BEX1: variants seen among roughly 807,000 people sequenced by gnomAD.
The protein encoded by BEX1 is brain expressed X-linked 1, also known as protein BEX1.
For missense variants in BEX1, 86 were observed against 99.2 expected, an observed-to-expected ratio of 0.87 and a Z score of 0.57; for synonymous variants, 41 against 33.4, an observed-to-expected ratio of 1.23 and a Z score of -0.79.
rs1331556404 is a variant in BEX1, at chrX:103,062,838, C to T, written c.*59G>A. ...GTTTACAACAAGGGCACATCATGAACATGTAAATTCGAAAGCAGGGGTCTG... is the reference window on the plus strand; with the variant it reads ...GTTTACAACAAGGGCACATCATGAATATGTAAATTCGAAAGCAGGGGTCTG... On this transcript the variant is annotated 3_prime_UTR_variant, in exon 3 of 3. Transcript: ENST00000372728. The T allele has an allele frequency of 1.7e-6, 2 of 1,182,872 alleles. No individual in the cohort carries two copies. The highest frequency in any genetic ancestry group is 1.1e-6 in the Non-Finnish European group (1 of 879,152).
At position 103,063,160 on chromosome X, in the gene BEX1, C is replaced by T. The variant is rs709035; in HGVS notation, c.115G>A (p.Asp39Asn). Reference sequence around the variant, plus strand: ...CTAGGCACACAGTATTCACCAGCATCCAAAGGGAGGGCCAAGGGCTCCCCT... The same window carrying T: ...CTAGGCACACAGTATTCACCAGCATTCAAAGGGAGGGCCAAGGGCTCCCCT... ...NKGEPLALPL[D>N]AGEYCVPRGN... is the part of the protein sequence containing the mutation. Residue 39 changes from aspartate to asparagine, a missense_variant, in exon 3 of 3, where the codon GAT (aspartate) becomes AAT (asparagine). Asp to Asn is a conservative substitution (Grantham distance 23). Transcript: ENST00000372728. 1 of 1,212,061 alleles carries T rather than the reference C, an allele frequency of 8.3e-7. No homozygotes were observed. Among genetic ancestry groups the T allele is most frequent in the Admixed American group, 2.2e-5 (1 of 46,065 alleles).
chrX:103,063,377 A>G (rs1279915750), intron 2 of BEX1, 98 bp from the exon 3 acceptor site: 5 of 883,049 alleles, frequency 5.7e-6, no homozygotes, highest in Non-Finnish European at 7.8e-6. Flanking sequence ...ATTCCGCGTC[A>G]TGGCTATCAA....
At position 103,063,225 on chromosome X, in the gene BEX1, G is replaced by T. The variant is rs1045065; in HGVS notation, c.50C>A (p.Ala17Asp). The change falls in exon 3 of 3, where the codon GCC becomes GAC. Residue 17 changes from alanine to aspartate, a missense_variant. Ala to Asp is a moderately radical substitution (Grantham distance 126). Transcript: ENST00000372728. ...RAVNSLSMEN[A>D]NQENEEKEQV... The stretch of plus-strand genomic sequence containing the variant: ...CTCCTTTTCTTCATTTTCTTGGTTG[G>T]CATTTTCCATGCTGAGACTGTTTAC... 5.0e-6 allele frequency: 6 copies of T among 1,209,237 alleles called. No homozygotes were observed. The African/African-American group carries it at 1.1e-4, about 21-fold the overall frequency.
chrX:103,062,843 A>G lies in BEX1; in HGVS notation c.*54T>C. 1.7e-6 allele frequency: 2 copies of G among 1,189,153 alleles called. No homozygotes were observed. The highest frequency in any genetic ancestry group is 2.3e-6 in the Non-Finnish European group (2 of 882,358). The stretch of plus-strand genomic sequence containing the variant: ...CAACAAGGGCACATCATGAACATGT[A>G]AATTCGAAAGCAGGGGTCTGTTTCC... On this transcript the variant is annotated 3_prime_UTR_variant, in exon 3 of 3. Transcript: ENST00000372728.
At position 103,064,165 on chromosome X, in the gene BEX1, C is replaced by T. The variant is rs1049841884; in HGVS notation, c.-165G>A. 6.6e-5 allele frequency: 33 copies of T among 497,912 alleles called. No individual in the cohort carries two copies. The African/African-American group carries it at 8.1e-4, about 12-fold the overall frequency. The allele number at this position is 497,912 out of a possible 1,213,427, so 41.0% of individuals were successfully genotyped here. A position where few individuals can be genotyped will look rare whatever the true frequency, so the allele number is the denominator to read the frequency against. ...GGGCAGCGGGGAGCTGGTAGCGAGA[C>T]ACGAGTGACGACTGCACCGAAGGCT... On this transcript the variant is annotated 5_prime_UTR_variant, in exon 1 of 3. Transcript: ENST00000372728.
Sources: gnomAD v4.1 joint callset for allele counts on GRCh38, gnomAD v4.1.1 for gene constraint, MANE v1.5 for transcripts, NCBI Gene and HGNC (gene_info 2026-07-23, HGNC 2026-07-21) for gene names.